NHSL3: variants seen among roughly 807,000 people sequenced by gnomAD.
NHSL3 encodes NHS-like protein 3.
At chr1:32,771,486 GC>G in the NHSL3 span, 2 of 1,576,000 alleles carry the variant, frequency 1.3e-6, no homozygotes, top group Non-Finnish European at 1.7e-6. Context: ...ATCCCAACTG[GC>G]CCCCTCCCCC....
At chr1:32,742,292 C>G in the NHSL3 span, 1 of 1,112,658 alleles carries the variant, frequency 9.0e-7, no homozygotes, top group Non-Finnish European at 1.1e-6. Context: ...GGGGGTGACC[C>G]CCAGGAGCTG....
the NHSL3 span, among the ~76,000 whole-genome samples, chr1:32,753,819 C>A: frequency 4.6e-5 from 7 of 152,268 alleles, no homozygotes; most frequent in African/African-American, 1.7e-4. Context: ...GCCAGGCCTT[C>A]CCCTGTGCGC....
the NHSL3 span, chr1:32,770,061 C>T: frequency 1.3e-6 from 2 of 1,566,116 alleles, no homozygotes; most frequent in Non-Finnish European, 1.7e-6. This position sits in a 1 kb window ranked among gnomAD's most constrained non-coding sequence, Gnocchi z 8.3. Context: ...TGCTGCAGCG[C>T]CACATTGACC....
chr1:32,765,584 A>T, the NHSL3 span: 2 of 1,477,264 alleles, frequency 1.4e-6, no homozygotes, highest in Non-Finnish European at 9.0e-7. Flanking sequence ...GGGCGGGATC[A>T]GTGGCGAAGG....
chr1:32,771,893 C>T, the NHSL3 span: 1 of 1,589,202 alleles, frequency 6.3e-7, no homozygotes, highest in Non-Finnish European at 8.6e-7. Flanking sequence ...GCACTGGGGC[C>T]ATCGGCCCCC....
the NHSL3 span, chr1:32,774,308 A>G: frequency 6.6e-6 from 1 of 152,308 alleles, no homozygotes; most frequent in African/African-American, 2.4e-5. Context: ...GGCTGGGAAC[A>G]GAGGGGATGT....
the NHSL3 span, chr1:32,767,945 C>T: frequency 1.4e-5 from 23 of 1,613,502 alleles, no homozygotes; most frequent in East Asian, 4.2e-4. Flanking sequence ...GCTCCGCTCC[C>T]TACAACACCA....
the NHSL3 span, among the ~76,000 whole-genome samples, chr1:32,751,341 A>G: frequency 5.3e-5 from 8 of 152,182 alleles, no homozygotes; most frequent in Non-Finnish European, 1.5e-5. Context: ...TCAGTATGCA[A>G]GCGTCACCGT....
At chr1:32,770,171 G>A in the NHSL3 span, 1 of 1,599,770 alleles carries the variant, frequency 6.3e-7, no homozygotes, top group Non-Finnish European at 8.5e-7. The surrounding 1 kb of genome is among the most constrained non-coding windows in gnomAD (Gnocchi z 8.3). Flanking sequence ...TTGACAGGAG[G>A]GGCAGGGCCT....
At chr1:32,743,007 G>A in the NHSL3 span, among the ~76,000 whole-genome samples, 11 of 152,332 alleles carry the variant, frequency 7.2e-5, no homozygotes, top group Admixed American at 7.2e-4. Flanking sequence ...TGGCCTGGAC[G>A]GGCAGCCTGA....
the NHSL3 span, among the ~76,000 whole-genome samples, chr1:32,745,342 G>A: frequency 1.3e-5 from 2 of 151,600 alleles, no homozygotes; most frequent in African/African-American, 2.4e-5. Context: ...GGTGGGTCAT[G>A]AGGTCGCGAG....
chr1:32,766,086 G>A, the NHSL3 span, among the ~76,000 whole-genome samples: 1 of 152,242 alleles, frequency 6.6e-6, no homozygotes, highest in East Asian at 1.9e-4. Context: ...CGTGAGACTT[G>A]CCTCCCTGCC....
chr1:32,768,030 C>G, the NHSL3 span: 1 of 1,613,502 alleles, frequency 6.2e-7, no homozygotes, highest in Non-Finnish European at 8.5e-7. Flanking sequence ...GGTCAGGGGC[C>G]TAACCCAACA....
chr1:32,759,509 G>A, the NHSL3 span, among the ~76,000 whole-genome samples: 3 of 152,244 alleles, frequency 2.0e-5, no homozygotes, highest in East Asian at 3.9e-4. Context: ...TAATTCCTCC[G>A]TGCACTACTG....
the NHSL3 span, chr1:32,774,333 TCCTCTGGC>T: frequency 6.6e-6 from 1 of 152,270 alleles, no homozygotes. Flanking sequence ...AGAGCCAGGT[TCCTCTGGC>T]CCTCTCCAGG....
the NHSL3 span, among the ~76,000 whole-genome samples, chr1:32,759,605 C>T: frequency 2.0e-5 from 3 of 152,310 alleles, no homozygotes; most frequent in East Asian, 1.9e-4. Flanking sequence ...ACCTTAGAAC[C>T]GGCCTGTCAG....
the NHSL3 span, chr1:32,765,559 G>T: frequency 7.1e-7 from 1 of 1,403,430 alleles, no homozygotes; most frequent in Non-Finnish European, 9.5e-7. Context: ...CATTTAAGGG[G>T]TGGGGTCGGC....
the NHSL3 span, among the ~76,000 whole-genome samples, chr1:32,753,850 C>A: frequency 6.6e-6 from 1 of 152,162 alleles, no homozygotes; most frequent in Non-Finnish European, 1.5e-5. Flanking sequence ...GCGGCTCAGC[C>A]GGTCTCCCAG....
chr1:32,772,723 G>A, the NHSL3 span: 1 of 877,252 alleles, frequency 1.1e-6, no homozygotes, highest in Non-Finnish European at 1.9e-6. Flanking sequence ...AACATGTGTA[G>A]GGTGTCCAGC....
Sources: gnomAD v4.1 joint callset for allele counts (sites outside exome capture counted in the v4.1 genomes callset) on GRCh38, gnomAD v4.1.1 for gene constraint, Gnocchi (gnomAD v3.1) non-coding constraint, MANE v1.5 for transcripts, NCBI Gene and HGNC (gene_info 2026-07-23, HGNC 2026-07-21) for gene names.